The following DLGAP2 variants were observed in gnomAD, a reference collection of about 807,000 sequenced individuals.
The protein encoded by DLGAP2 is DLG associated protein 2.
Under a neutral mutation model 100.3 loss-of-function variants are expected in DLGAP2, and 26 were observed. The ratio of observed to expected loss-of-function variants is 0.26; its 90% CI spans 0.19 to 0.36. DLGAP2 has a LOEUF of 0.36. Ranked by LOEUF, DLGAP2 falls within the 10% of genes least tolerant of loss-of-function variation. The pLI, the probability that DLGAP2 is intolerant of heterozygous loss-of-function variation, is 1.00. For missense variants in DLGAP2, 1,858 were observed against 1,453.2 expected, an observed-to-expected ratio of 1.28 and a Z score of -4.53; for synonymous variants, 886 against 630.1, an observed-to-expected ratio of 1.41 and a Z score of -6.08.
intron 2 of DLGAP2, among the ~76,000 whole-genome samples, chr8:1,190,049 G>A (rs1797599410): frequency 6.6e-6 from 1 of 152,216 alleles, no homozygotes; most frequent in South Asian, 2.1e-4. Context: ...AGAGTTGGCA[G>A]GCTAATTACG....
intron 3 of DLGAP2, among the ~76,000 whole-genome samples, chr8:1,339,476 C>A (rs1016400897): frequency 2.0e-5 from 3 of 152,218 alleles, no homozygotes; most frequent in African/African-American, 7.2e-5. Context: ...AGGGACCCTC[C>A]CTTGGTGAGC....
At chr8:1,222,839 G>A (rs1446227607) in intron 2 of DLGAP2, among the ~76,000 whole-genome samples, 1 of 152,148 alleles carries the variant, frequency 6.6e-6, no homozygotes, top group Non-Finnish European at 1.5e-5. Flanking sequence ...GAGCCCAGGA[G>A]AGGCCAGCAG....
intron 2 of DLGAP2, among the ~76,000 whole-genome samples, chr8:1,178,925 C>A (rs940539595): frequency 2.6e-5 from 4 of 152,218 alleles, no homozygotes; most frequent in Non-Finnish European, 2.9e-5. Context: ...AGCCTGGGCA[C>A]ACCGGCCTCT....
chr8:1,189,768 G>A (rs956898031), intron 2 of DLGAP2, among the ~76,000 whole-genome samples: 1 of 152,196 alleles, frequency 6.6e-6, no homozygotes, highest in African/African-American at 2.4e-5. Context: ...GGCAGATACA[G>A]CCGCCTGCCT....
rs780788119 is a variant in DLGAP2, at chr8:1,549,107, C to T, written c.654C>T (p.Ala218=). The change falls in exon 5 of 15, where the codon GCC becomes GCT. Residue 218 remains alanine (A), a synonymous_variant. Coordinates refer to ENST00000637795, the MANE Select transcript of DLGAP2 (RefSeq NM_001346810.2). Reference sequence around the variant, plus strand: ...TGCAGTACCAGAGGACGTCCGCGGCCGCCGAGCAGCGCAGCGAGAGCCCCG... The same window carrying T: ...TGCAGTACCAGAGGACGTCCGCGGCTGCCGAGCAGCGCAGCGAGAGCCCCG... ...HTLQYQRTSA[A]AEQRSESPGR... 4 of 1,583,992 alleles carry T rather than the reference C, an allele frequency of 2.5e-6. No individual in the cohort carries two copies. The South Asian group carries it at 3.4e-5, about 14-fold the overall frequency.
intron 2 of DLGAP2, among the ~76,000 whole-genome samples, chr8:973,499 C>G (rs1428358747): frequency 1.3e-5 from 2 of 152,026 alleles, no homozygotes; most frequent in Non-Finnish European, 2.9e-5. Context: ...GAGGCGCACC[C>G]CACATCTCAG....
In DLGAP2 at chr8:1,363,343, C is replaced by A. The variant is rs567889369; in HGVS notation, c.106+104460C>A. Among the ~76,000 whole-genome samples the A allele has an allele frequency of 2.6e-3, 403 of 152,310 alleles. 2 individuals carry two copies. The highest frequency in any genetic ancestry group is 4.6e-3 in the Non-Finnish European group (312 of 68,026). ...GCCCGTGGCATGCTTGCGGCTGTCT[C>A]TCCTGCCTCTGCCTCGCCGGTCCCA... On this transcript the variant is annotated intron_variant, in intron 3 of 14. Coordinates refer to ENST00000637795, the MANE Select transcript of DLGAP2 (RefSeq NM_001346810.2).
intron 4 of DLGAP2, among the ~76,000 whole-genome samples, chr8:1,512,343 G>A (rs1365056740): frequency 6.6e-6 from 1 of 152,116 alleles, no homozygotes; most frequent in Non-Finnish European, 1.5e-5. Context: ...TATTTCACAC[G>A]GTTTCATAAG....
At position 1,708,138 on chromosome 8, in the gene DLGAP2, C is replaced by A. The variant is rs1239432529; in HGVS notation, c.*6732C>A. The A allele has an allele frequency of 6.6e-6, 1 of 152,196 alleles. No individual in the cohort carries two copies. Among genetic ancestry groups the A allele is most frequent in the Non-Finnish European group, 1.5e-5 (1 of 68,044 alleles). 9.4% of individuals were successfully genotyped at this position (152,196 alleles called of 1,614,324 possible). On this transcript the variant is annotated 3_prime_UTR_variant, in exon 15 of 15. Transcript: ENST00000637795. ...AACTGTGCACCGTTTCCGCCATAAC[C>A]GTCCTGTGACGATGCCTCCATTTGA...
chr8:1,622,768 C>G (rs980289083), intron 6 of DLGAP2, among the ~76,000 whole-genome samples: 1 of 152,200 alleles, frequency 6.6e-6, no homozygotes, highest in East Asian at 1.9e-4. Flanking sequence ...AAATATGTTT[C>G]CATTTCTGAC....
At position 1,267,598 on chromosome 8, in the gene DLGAP2, T is replaced by TAAA. The variant is rs369307454; in HGVS notation, c.106+8717_106+8718insAAA. On this transcript the variant is annotated intron_variant, in intron 3 of 14. Transcript: ENST00000637795. ...TAAAATAAAATAAAATAAGATAAGA[T>TAAA]AAGATAAGATAAGATAAGATAAGAT... 2.4e-3 allele frequency among the ~76,000 whole-genome samples: 105 copies of TAAA among 43,612 alleles called. 4 individuals are homozygous for TAAA. The highest frequency in any genetic ancestry group is 4.5e-3 in the East Asian group (5 of 1,122). 28.6% of individuals were successfully genotyped at this position (43,612 alleles called of 152,430 possible). A position where few individuals can be genotyped will look rare whatever the true frequency, so the allele number is the denominator to read the frequency against.
chr8:1,208,170 A>G (rs1190516378), intron 2 of DLGAP2, among the ~76,000 whole-genome samples: 1 of 152,146 alleles, frequency 6.6e-6, no homozygotes, highest in Admixed American at 6.5e-5. Flanking sequence ...TTCCAATGCC[A>G]TCTTCTAGAA....
intron 5 of DLGAP2, among the ~76,000 whole-genome samples, chr8:1,557,093 C>G (rs916882849): frequency 6.6e-6 from 1 of 152,128 alleles, no homozygotes. Context: ...GGATGTTGAG[C>G]AGCATTTCTG....
chr8:959,151 A>G (rs1299376831), intron 2 of DLGAP2, among the ~76,000 whole-genome samples: 1 of 152,196 alleles, frequency 6.6e-6, no homozygotes, highest in African/African-American at 2.4e-5. Flanking sequence ...GTAGTTGGAT[A>G]AAAATATATT....
chr8:1,099,666 T>C (rs770389943), intron 2 of DLGAP2, among the ~76,000 whole-genome samples: 1 of 152,230 alleles, frequency 6.6e-6, no homozygotes, highest in Non-Finnish European at 1.5e-5. Flanking sequence ...GATTTCTACA[T>C]TAATTAAGTG....
At chr8:942,562 G>A (rs1369474469) in intron 2 of DLGAP2, among the ~76,000 whole-genome samples, 3 of 152,186 alleles carry the variant, frequency 2.0e-5, no homozygotes, top group South Asian at 4.1e-4. Context: ...TACCTTTCAC[G>A]GCATTTGGCA....
At chr8:1,222,736 G>C (rs1014366904) in intron 2 of DLGAP2, among the ~76,000 whole-genome samples, 1 of 152,126 alleles carries the variant, frequency 6.6e-6, no homozygotes, top group Non-Finnish European at 1.5e-5. Flanking sequence ...CTGATGGTCA[G>C]ACGGGCTCTG....
chr8:1,644,639 T>C (rs749924166), intron 8 of DLGAP2, among the ~76,000 whole-genome samples: 1 of 152,244 alleles, frequency 6.6e-6, no homozygotes, highest in Non-Finnish European at 1.5e-5. Context: ...ATAGCACATT[T>C]ACTGAAACAA....
At chr8:1,366,782 G>T (rs947555387) in intron 3 of DLGAP2, among the ~76,000 whole-genome samples, 1 of 152,198 alleles carries the variant, frequency 6.6e-6, no homozygotes, top group African/African-American at 2.4e-5. Context: ...GGTCCCCGCA[G>T]CACGTTTGCT....
Sources: allele counts gnomAD v4.1 joint callset (sites outside exome capture counted in the v4.1 genomes callset), GRCh38; gene constraint gnomAD v4.1.1; transcripts MANE v1.5; gene names NCBI Gene and HGNC (gene_info 2026-07-23, HGNC 2026-07-21).